PTPRZ1: variants seen among roughly 807,000 people sequenced by gnomAD.
The protein encoded by PTPRZ1 is protein tyrosine phosphatase receptor type Z1, also known as receptor-type tyrosine-protein phosphatase zeta.
Under a neutral mutation model 214.1 loss-of-function variants are expected in PTPRZ1, and 82 were observed. That is an observed-to-expected ratio of 0.38 (90% CI 0.32 to 0.46). The LOEUF is 0.46. PTPRZ1 is among the 20% of genes least tolerant of loss of function. The pLI, the probability that PTPRZ1 is intolerant of heterozygous loss-of-function variation, is 1.00. For missense variants in PTPRZ1, 2,603 were observed against 2,748.7 expected (o/e 0.95, Z 1.19); for synonymous variants, 945 against 987.9 (o/e 0.96, Z 0.81).
chr7:121,873,739 GCGCCCCCTCCCCGCCCCGCGCCCT>G (rs1793960026), intron 1 of PTPRZ1, among the ~76,000 whole-genome samples, 182 bp downstream of exon 1: 1 of 151,956 alleles, frequency 6.6e-6, no homozygotes, highest in Non-Finnish European at 1.5e-5. Context: ...TGGGATTTGC[GCGCCCCCTCCCCGCCCCGCGCCCT>G]CGCCCCTTCC....
Position 122,053,011 on chromosome 7 carries a change from A to C in PTPRZ1, c.6253-899A>C, listed in dbSNP as rs375826743. 8.5e-5 allele frequency among the ~76,000 whole-genome samples: 13 copies of C among 152,290 alleles called. No homozygotes were observed. In the East Asian group the frequency reaches 2.5e-3, roughly 29 times the overall value. ...GAGCACCAATAAGGGATTCACCTGC[A>C]TGGGTTCCATTGAGCAGTCTCACCT... On this transcript the variant is annotated intron_variant, in intron 25 of 29. Transcript: ENST00000393386.
At chr7:121,882,763 C>T (rs984187731) in intron 1 of PTPRZ1, among the ~76,000 whole-genome samples, 15 of 152,116 alleles carry the variant, frequency 9.9e-5, no homozygotes, top group African/African-American at 2.7e-4. Flanking sequence ...GCCTCTTACA[C>T]GGTGGCAGTC....
At chr7:122,019,678 T>A (rs1798958598) in intron 13 of PTPRZ1, among the ~76,000 whole-genome samples, 1 of 152,162 alleles carries the variant, frequency 6.6e-6, no homozygotes, top group Admixed American at 6.6e-5. Context: ...GTGTATTAAC[T>A]GCACATACTG....
intron 8 of PTPRZ1, among the ~76,000 whole-genome samples, chr7:121,990,955 G>A (rs1797943791): frequency 6.6e-6 from 1 of 152,200 alleles, no homozygotes. Context: ...CTTTCATGCT[G>A]CCTTCTTACC....
intron 1 of PTPRZ1, among the ~76,000 whole-genome samples, chr7:121,901,488 G>A (rs1794955666): frequency 2.0e-5 from 3 of 152,258 alleles, no homozygotes; most frequent in South Asian, 2.1e-4. Flanking sequence ...TACCAAAAAT[G>A]TCTTCACTGT....
chr7:121,899,437 A>C (rs937361926), intron 1 of PTPRZ1, among the ~76,000 whole-genome samples: 1 of 152,210 alleles, frequency 6.6e-6, no homozygotes, highest in South Asian at 2.1e-4. Context: ...TCTGCTAACT[A>C]TAAAAGTTCA....
At chr7:121,911,917 A>T (rs1795288550) in intron 1 of PTPRZ1, among the ~76,000 whole-genome samples, 1 of 151,960 alleles carries the variant, frequency 6.6e-6, no homozygotes, top group South Asian at 2.1e-4. Context: ...TCAGTGTAAG[A>T]ACTTAACGGG....
At chr7:121,925,010 G>A (rs371028513) in intron 1 of PTPRZ1, among the ~76,000 whole-genome samples, 1 of 152,084 alleles carries the variant, frequency 6.6e-6, no homozygotes, top group Non-Finnish European at 1.5e-5. Flanking sequence ...CTGCTGAGGC[G>A]GAGCACCTTA....
chr7:121,979,408 C>G (rs1797537125), intron 6 of PTPRZ1, among the ~76,000 whole-genome samples: 1 of 152,204 alleles, frequency 6.6e-6, no homozygotes, highest in Non-Finnish European at 1.5e-5. Flanking sequence ...CAGTGATTAT[C>G]TGATGGAAAT....
chr7:121,975,180 C>G (rs1242136977), intron 4 of PTPRZ1, among the ~76,000 whole-genome samples: 1 of 152,094 alleles, frequency 6.6e-6, no homozygotes, highest in East Asian at 1.9e-4. Flanking sequence ...GAGTGAGACC[C>G]CCTCTCAAAA....
At chr7:121,996,966 A>C (rs947999264) in intron 9 of PTPRZ1, among the ~76,000 whole-genome samples, 1 of 152,190 alleles carries the variant, frequency 6.6e-6, no homozygotes, top group African/African-American at 2.4e-5. Context: ...GGGACATACA[A>C]GTCCTCTTTG....
At chr7:121,993,896 T>G (rs977055612) in intron 8 of PTPRZ1, among the ~76,000 whole-genome samples, 1 of 152,122 alleles carries the variant, frequency 6.6e-6, no homozygotes, top group African/African-American at 2.4e-5. Flanking sequence ...AAATAAAAGA[T>G]TTACCTGAAG....
chr7:122,060,144 G>A (rs1400780825), intron 29 of PTPRZ1, among the ~76,000 whole-genome samples: 1 of 152,092 alleles, frequency 6.6e-6, no homozygotes, highest in East Asian at 1.9e-4. Flanking sequence ...AATAAGCTTA[G>A]GTGAATGTAG....
At chr7:121,984,782 G>A (rs1021786224) in intron 8 of PTPRZ1, among the ~76,000 whole-genome samples, 2 of 151,708 alleles carry the variant, frequency 1.3e-5, no homozygotes, top group African/African-American at 4.8e-5. Flanking sequence ...CTAGAATGCC[G>A]TCTGTTTTTT....
intron 1 of PTPRZ1, among the ~76,000 whole-genome samples, chr7:121,897,172 G>T (rs756960591): frequency 1.3e-5 from 2 of 151,988 alleles, no homozygotes; most frequent in Non-Finnish European, 2.9e-5. Context: ...GTTATTATTG[G>T]TCTTTTAGCT....
intron 29 of PTPRZ1, 36 bp from the exon 30 acceptor site, chr7:122,061,044 C>T: frequency 1.3e-6 from 2 of 1,549,448 alleles, no homozygotes; most frequent in Non-Finnish European, 1.8e-6. Context: ...CTTCACTGAG[C>T]TTCGCATTTA....
intron 1 of PTPRZ1, among the ~76,000 whole-genome samples, chr7:121,900,312 A>G (rs560164151): frequency 1.3e-5 from 2 of 152,266 alleles, no homozygotes; most frequent in African/African-American, 4.8e-5. Context: ...TTTACAACAG[A>G]ATACAAACTT....
At chr7:121,972,010 A>G (rs1421157414) in intron 3 of PTPRZ1, among the ~76,000 whole-genome samples, 1 of 152,152 alleles carries the variant, frequency 6.6e-6, no homozygotes, top group Non-Finnish European at 1.5e-5. Context: ...CATAAGAATG[A>G]GTTTCCTGCC....
chr7:121,924,943 G>A (rs1371023997), intron 1 of PTPRZ1, among the ~76,000 whole-genome samples: 2 of 152,200 alleles, frequency 1.3e-5, no homozygotes, highest in East Asian at 1.9e-4. Flanking sequence ...TCTGTAGCCC[G>A]CTCTATTGTT....
Sources: gnomAD v4.1 joint callset for allele counts (sites outside exome capture counted in the v4.1 genomes callset) on GRCh38, gnomAD v4.1.1 for gene constraint, MANE v1.5 for transcripts, NCBI Gene and HGNC (gene_info 2026-07-23, HGNC 2026-07-21) for gene names.